ALDH1A2: variants seen among roughly 807,000 people sequenced by gnomAD.
ALDH1A2 encodes aldehyde dehydrogenase 1 family member A2, also known as retinal dehydrogenase 2.
ALDH1A2 carries 27 observed loss-of-function variants against 60.3 expected under a neutral mutation model. The ratio of observed to expected loss-of-function variants is 0.45; its 90% CI spans 0.33 to 0.62. ALDH1A2 has a LOEUF of 0.62. Among genes scored for constraint, ALDH1A2 ranks in the 20% least tolerant of loss-of-function variants. ALDH1A2 has a pLI of 0.02. For missense variants in ALDH1A2, 581 were observed against 643.8 expected (o/e 0.90, Z 1.06); for synonymous variants, 289 against 232.4 (o/e 1.24, Z -2.21).
chr15:58,006,603 T>C (rs1193601863), intron 4 of ALDH1A2, among the ~76,000 whole-genome samples: 3 of 151,942 alleles, frequency 2.0e-5, no homozygotes, highest in African/African-American at 4.8e-5. Flanking sequence ...CTGTTTTCTG[T>C]AGTGATTGTA....
chr15:57,963,931 C>G lies in ALDH1A2; in HGVS notation c.1040G>C (p.Arg347Pro). Residue 347 changes from arginine to proline, a missense_variant, in exon 9 of 13, where the codon CGC (arginine) becomes CCC (proline). Physicochemically the swap from Arg to Pro is moderately radical, Grantham distance 103. Coordinates refer to ENST00000249750, the MANE Select transcript of ALDH1A2 (RefSeq NM_003888.4). Reference sequence around the variant, plus strand: ...GGGGTCAAAGGGACTCCCCACTACGCGCCTCTTGGCCCGCTCCACGCTTCT... The same window carrying G: ...GGGGTCAAAGGGACTCCCCACTACGGGCCTCTTGGCCCGCTCCACGCTTCT... Reference protein sequence around the residue: ...VRRSVERAKRRVVGSPFDPTT... With the variant: ...VRRSVERAKRPVVGSPFDPTT... 1 of 1,614,144 alleles carries G rather than the reference C, an allele frequency of 6.2e-7. No homozygotes were observed.
At chr15:57,957,523 T>C (rs34346289) in intron 12 of ALDH1A2, among the ~76,000 whole-genome samples, 1,751 of 152,354 alleles carry the variant, frequency 0.011, 27 homozygotes, top group Non-Finnish European at 0.017. Flanking sequence ...AGCTAAATTT[T>C]GTGGCACATA....
At chr15:57,999,199 T>G (rs1895173092) in intron 4 of ALDH1A2, among the ~76,000 whole-genome samples, 1 of 152,022 alleles carries the variant, frequency 6.6e-6, no homozygotes, top group South Asian at 2.1e-4. Context: ...AATTGACAAT[T>G]TGGATCTAAT....
chr15:58,031,722 G>A (rs1896245834), intron 1 of ALDH1A2, among the ~76,000 whole-genome samples: 1 of 152,146 alleles, frequency 6.6e-6, no homozygotes, highest in Non-Finnish European at 1.5e-5. Context: ...CTCAAAAGAA[G>A]ACATTTATGC....
chr15:58,002,476 G>T (rs1291139258), intron 4 of ALDH1A2, among the ~76,000 whole-genome samples: 1 of 151,858 alleles, frequency 6.6e-6, no homozygotes, highest in Non-Finnish European at 1.5e-5. Flanking sequence ...GAAACTGATG[G>T]AATTTTTAGT....
chr15:58,026,143 C>G (rs142726526), intron 1 of ALDH1A2, among the ~76,000 whole-genome samples: 1 of 152,260 alleles, frequency 6.6e-6, no homozygotes, highest in East Asian at 1.9e-4. Flanking sequence ...AAACTACAAG[C>G]CAATATCCCT....
At chr15:57,964,553 T>C (rs193156975) in intron 8 of ALDH1A2, 46 of 160,216 alleles carry the variant, frequency 2.9e-4, no homozygotes, top group Admixed American at 1.1e-3. Context: ...CAGGTAAACA[T>C]GTCTATATTT....
intron 12 of ALDH1A2, among the ~76,000 whole-genome samples, chr15:57,957,522 T>C (rs1206688539): frequency 6.6e-6 from 1 of 152,222 alleles, no homozygotes; most frequent in Non-Finnish European, 1.5e-5. Flanking sequence ...CAGCTAAATT[T>C]TGTGGCACAT....
At chr15:57,979,560 G>C (rs1894406891) in intron 7 of ALDH1A2, among the ~76,000 whole-genome samples, 1 of 152,164 alleles carries the variant, frequency 6.6e-6, no homozygotes, top group Non-Finnish European at 1.5e-5. Context: ...CCAAGGCAAG[G>C]GGGAAGAAAG....
intron 7 of ALDH1A2, among the ~76,000 whole-genome samples, chr15:57,976,381 C>G (rs1484105552): frequency 6.6e-6 from 1 of 152,146 alleles, no homozygotes; most frequent in Admixed American, 6.5e-5. Context: ...CACCCATCAA[C>G]CCATCATCTA....
At chr15:58,014,064 C>A in intron 2 of ALDH1A2, 66 bp from the exon 3 acceptor site, 1 of 1,613,872 alleles carries the variant, frequency 6.2e-7, no homozygotes, top group Middle Eastern at 1.7e-4. Context: ...CATCCACTGT[C>A]ATGAAAAAAG....
chr15:58,041,488 T>C (rs1345618149), intron 1 of ALDH1A2, among the ~76,000 whole-genome samples: 2 of 151,904 alleles, frequency 1.3e-5, no homozygotes, highest in Non-Finnish European at 2.9e-5. Context: ...AACTTATTTC[T>C]CATAGTCCTG....
intron 7 of ALDH1A2, among the ~76,000 whole-genome samples, chr15:57,987,718 A>AAAAT (rs1894752252): frequency 6.6e-6 from 1 of 152,006 alleles, no homozygotes; most frequent in Middle Eastern, 3.2e-3. Flanking sequence ...GTCTCTGCTA[A>AAAAT]AAATAAATAC....
intron 1 of ALDH1A2, among the ~76,000 whole-genome samples, chr15:58,030,110 C>T (rs1896192634): frequency 1.3e-5 from 2 of 152,194 alleles, no homozygotes; most frequent in South Asian, 4.1e-4. Flanking sequence ...AGACCAATAT[C>T]CCTGATGGAC....
In ALDH1A2 at chr15:58,023,987, G is replaced by A. The variant is rs187558300; in HGVS notation, c.118-9706C>T. On this transcript the variant is annotated intron_variant, in intron 1 of 12. Coordinates refer to ENST00000249750, the MANE Select transcript of ALDH1A2 (RefSeq NM_003888.4). ...ACATGCCTGTAATCTCAGCTACTGG[G>A]AAGGCTGAGGCAGGAGAATCGCTTG... Among the ~76,000 whole-genome samples the A allele has an allele frequency of 1.6e-3, 249 of 152,302 alleles. 1 individual carries two copies. The highest frequency in any genetic ancestry group is 0.011 in the Admixed American group (162 of 15,292).
intron 1 of ALDH1A2, among the ~76,000 whole-genome samples, chr15:58,032,003 G>A (rs556944479): frequency 1.3e-5 from 2 of 152,224 alleles, no homozygotes; most frequent in East Asian, 3.9e-4. Flanking sequence ...CCCCATTACT[G>A]GGTATATACC....
intron 7 of ALDH1A2, among the ~76,000 whole-genome samples, chr15:57,986,843 T>G (rs973325739): frequency 2.0e-5 from 3 of 151,906 alleles, no homozygotes; most frequent in African/African-American, 2.4e-5. Context: ...TGGCTAGAGA[T>G]AGAGTTTCAC....
intron 1 of ALDH1A2, among the ~76,000 whole-genome samples, chr15:58,018,147 G>A (rs1167230696): frequency 1.3e-5 from 2 of 152,098 alleles, no homozygotes; most frequent in Non-Finnish European, 2.9e-5. Context: ...CTGGAACATT[G>A]TGGTGCCTGA....
At chr15:57,976,075 G>A (rs558594746) in intron 7 of ALDH1A2, among the ~76,000 whole-genome samples, 1 of 152,246 alleles carries the variant, frequency 6.6e-6, no homozygotes, top group South Asian at 2.1e-4. Flanking sequence ...ATATCTCTTT[G>A]TTGTCCTTTG....
Sources: gnomAD v4.1 joint callset for allele counts (sites outside exome capture counted in the v4.1 genomes callset) on GRCh38, gnomAD v4.1.1 for gene constraint, MANE v1.5 for transcripts, NCBI Gene and HGNC (gene_info 2026-07-23, HGNC 2026-07-21) for gene names.